The following SOAT1 variants were observed in gnomAD, a reference collection of about 807,000 sequenced individuals.
The protein encoded by SOAT1 is sterol O-acyltransferase 1, also known as acyl-coenzyme A:cholesterol acyltransferase 1.
Under a neutral mutation model 69.5 loss-of-function variants are expected in SOAT1, and 55 were observed. The observed-to-expected ratio is 0.79, with a 90% CI of 0.64 to 0.99. The LOEUF is 0.99. SOAT1 is among the 50% of genes least tolerant of loss of function. SOAT1 has a pLI of 0.00. For synonymous variants in SOAT1, 231 were observed against 224.7 expected (o/e 1.03, Z -0.25); for missense variants, 580 against 669.3 (o/e 0.87, Z 1.47).
chr1:179,302,619 A>G (rs1285684456), intron 1 of SOAT1, 58 bp from the exon 2 acceptor site: 1 of 929,392 alleles, frequency 1.1e-6, no homozygotes, highest in Non-Finnish European at 1.6e-6. Flanking sequence ...AGTCTCAGGT[A>G]GTGTATAGCA....
In SOAT1 at chr1:179,353,774, A is replaced by G; in HGVS notation, c.*133A>G. ...CCAGGCTTTACAGATGACTCACTCC[A>G]TTCCTAGGTCACTTGAAGCCAAACT... On this transcript the variant is annotated 3_prime_UTR_variant, in exon 16 of 16. Transcript: ENST00000367619. 1.3e-6 allele frequency: 1 copy of G among 762,834 alleles called. No homozygotes were observed. The highest frequency in any genetic ancestry group is 2.2e-6 in the Non-Finnish European group (1 of 452,460). The allele number at this position is 762,834 out of a possible 1,614,324, so 47.3% of individuals were successfully genotyped here. A position where few individuals can be genotyped will look rare whatever the true frequency, so the allele number is the denominator to read the frequency against.
intron 3 of SOAT1, among the ~76,000 whole-genome samples, chr1:179,326,718 C>T (rs903487580): frequency 2.6e-5 from 4 of 151,994 alleles, no homozygotes; most frequent in Admixed American, 6.5e-5. Context: ...CCACCATGCC[C>T]GGCTAATTTT....
intron 2 of SOAT1, among the ~76,000 whole-genome samples, chr1:179,314,142 A>G (rs1214197460): frequency 6.6e-6 from 1 of 152,132 alleles, no homozygotes; most frequent in Non-Finnish European, 1.5e-5. Flanking sequence ...GACTCAGTTC[A>G]AATATTGACT....
intron 2 of SOAT1, among the ~76,000 whole-genome samples, chr1:179,315,387 C>G (rs1665356237): frequency 6.6e-6 from 1 of 151,612 alleles, no homozygotes; most frequent in Admixed American, 6.6e-5. Context: ...TCCCTTGAGC[C>G]TAGGAGTTCC....
chr1:179,311,343 G>A (rs1218342457), intron 2 of SOAT1, among the ~76,000 whole-genome samples: 1 of 152,160 alleles, frequency 6.6e-6, no homozygotes, highest in Admixed American at 6.5e-5. Flanking sequence ...TCCAACCTGG[G>A]TGACAGAGCA....
chr1:179,308,231 CTT>C (rs1665085106), intron 2 of SOAT1, among the ~76,000 whole-genome samples: 1 of 152,072 alleles, frequency 6.6e-6, no homozygotes, highest in African/African-American at 2.4e-5. Context: ...GAAATTATCT[CTT>C]GATTTAAAAC....
chr1:179,315,951 C>G (rs765537105), intron 2 of SOAT1, among the ~76,000 whole-genome samples: 1 of 152,162 alleles, frequency 6.6e-6, no homozygotes, highest in Non-Finnish European at 1.5e-5. Context: ...AAAATATATT[C>G]TTTAACTTAT....
chr1:179,302,627 G>A, intron 1 of SOAT1, 50 bp from the exon 2 acceptor site: 1 of 1,130,076 alleles, frequency 8.8e-7, no homozygotes, highest in Non-Finnish European at 1.3e-6. Flanking sequence ...GTAGTGTATA[G>A]CAGTGTGAAA....
Position 179,351,495 on chromosome 1 carries a change from A to T in SOAT1, c.1596+33A>T, listed in dbSNP as rs746660858. ...ACCAACCTGGTTGGAGTGCAAAAGA[A>T]CCTGTTTATTCTCTGTTTGTGAGAG... On this transcript the variant is annotated intron_variant, in intron 15 of 15. Coordinates refer to ENST00000367619, the MANE Select transcript of SOAT1 (RefSeq NM_003101.6). 3.3e-5 allele frequency: 53 copies of T among 1,606,192 alleles called. No homozygotes were observed. The Admixed American group carries it at 3.7e-4, about 11-fold the overall frequency.
intron 3 of SOAT1, among the ~76,000 whole-genome samples, chr1:179,332,134 A>T (rs1025920742): frequency 5.9e-5 from 9 of 152,092 alleles, no homozygotes; most frequent in Admixed American, 5.2e-4. Flanking sequence ...AATGACCCTG[A>T]CCTTTTTTCA....
At chr1:179,332,105 A>G (rs1273923493) in intron 3 of SOAT1, among the ~76,000 whole-genome samples, 1 of 152,080 alleles carries the variant, frequency 6.6e-6, no homozygotes, top group African/African-American at 2.4e-5. Context: ...TGTACCTTTG[A>G]AAGAGTTATT....
At chr1:179,336,470 C>CAAAA (rs71569242) in intron 4 of SOAT1, among the ~76,000 whole-genome samples, 1 of 79,062 alleles carries the variant, frequency 1.3e-5, no homozygotes, top group Non-Finnish European at 2.3e-5. Flanking sequence ...ACCCTGTCTC[C>CAAAA]AAAAAAAAAA....
At chr1:179,307,570 A>T (rs1665049870) in intron 2 of SOAT1, among the ~76,000 whole-genome samples, 1 of 151,818 alleles carries the variant, frequency 6.6e-6, no homozygotes, top group Non-Finnish European at 1.5e-5. Context: ...ATCTCTTAAA[A>T]AAAAATGGTC....
chr1:179,314,667 C>T (rs1204833257), intron 2 of SOAT1, among the ~76,000 whole-genome samples: 1 of 151,912 alleles, frequency 6.6e-6, no homozygotes, highest in Non-Finnish European at 1.5e-5. Context: ...TTCAAGTGAC[C>T]CTCCTGTCTC....
At chr1:179,335,015 CAAAAAA>C (rs10603546) in intron 3 of SOAT1, among the ~76,000 whole-genome samples, 1 of 73,560 alleles carries the variant, frequency 1.4e-5, no homozygotes, top group African/African-American at 5.6e-5. Context: ...AACTCCATCT[CAAAAAA>C]AAAAAAAAAA....
At position 179,356,228 on chromosome 1, in the gene SOAT1, G is replaced by A. The variant is rs1230271686; in HGVS notation, c.*2587G>A. On this transcript the variant is annotated 3_prime_UTR_variant, in exon 16 of 16. Transcript: ENST00000367619. Reference sequence around the variant, plus strand: ...GTAATGATAGTAACTATTATTTTGGGCATATTAACCAACAGAACAATTATG... The same window carrying A: ...GTAATGATAGTAACTATTATTTTGGACATATTAACCAACAGAACAATTATG... 3.9e-5 allele frequency: 6 copies of A among 151,974 alleles called. No individual in the cohort carries two copies. Among genetic ancestry groups the A allele is most frequent in the Non-Finnish European group, 8.8e-5 (6 of 67,978 alleles). The allele number at this position is 151,974 out of a possible 1,614,324, so 9.4% of individuals were successfully genotyped here.
At chr1:179,311,230 G>T (rs1020807667) in intron 2 of SOAT1, among the ~76,000 whole-genome samples, 1 of 152,138 alleles carries the variant, frequency 6.6e-6, no homozygotes, top group African/African-American at 2.4e-5. Flanking sequence ...GGTGGGCATG[G>T]TAACATGTGC....
chr1:179,350,604 T>C (rs1047260925), intron 14 of SOAT1, among the ~76,000 whole-genome samples, 173 bp downstream of exon 14: 1 of 152,252 alleles, frequency 6.6e-6, no homozygotes, highest in Admixed American at 6.5e-5. Context: ...TACACAGCTC[T>C]GTCTCAAGAT....
At chr1:179,308,670 C>CAAA (rs552539528) in intron 2 of SOAT1, among the ~76,000 whole-genome samples, 3 of 99,298 alleles carry the variant, frequency 3.0e-5, no homozygotes, top group African/African-American at 4.6e-5. Context: ...AGACTCCGTC[C>CAAA]AAAAAAAAAA....
Sources: allele counts gnomAD v4.1 joint callset (sites outside exome capture counted in the v4.1 genomes callset), GRCh38; gene constraint gnomAD v4.1.1; transcripts MANE v1.5; gene names NCBI Gene and HGNC (gene_info 2026-07-23, HGNC 2026-07-21).